The following FAM222B variants were observed in gnomAD, a reference collection of about 807,000 sequenced individuals.
FAM222B encodes family with sequence similarity 222 member B.
In FAM222B, 12 loss-of-function variants were observed where a neutral mutation model predicts 38.0. The observed-to-expected ratio is 0.32, with a 90% CI of 0.20 to 0.51. The LOEUF (loss-of-function observed/expected upper bound fraction) is 0.51. Among genes scored for constraint, FAM222B ranks in the 20% least tolerant of loss-of-function variants. FAM222B has a pLI of 0.97. For missense variants in FAM222B, 716 were observed against 754.2 expected (o/e 0.95, Z 0.59); for synonymous variants, 329 against 317.2 (o/e 1.04, Z -0.40).
rs1355798592 is a variant in FAM222B at position 28,757,320 on chromosome 17, T to C, written c.*950A>G. 1.3e-5 allele frequency: 2 copies of C among 152,542 alleles called. No homozygotes were observed. The highest frequency in any genetic ancestry group is 2.4e-5 in the African/African-American group (1 of 41,420). The allele number at this position is 152,542 out of a possible 1,614,324, so 9.4% of individuals were successfully genotyped here. On this transcript the variant is annotated 3_prime_UTR_variant, in exon 3 of 3. Coordinates refer to ENST00000581407, the MANE Select transcript of FAM222B (RefSeq NM_001077498.3). ...ACTACATTCATACAGAAACGTAACG[T>C]TTAAAACTTACAGTGTAGAGCAATA... is the stretch of plus-strand genomic sequence containing the variant.
At chr17:28,798,490 A>T (rs1471046459) in intron 1 of FAM222B, among the ~76,000 whole-genome samples, 1 of 152,204 alleles carries the variant, frequency 6.6e-6, no homozygotes, top group African/African-American at 2.4e-5. Context: ...TCACTAAGAA[A>T]CTACAGTTTC....
chr17:28,837,640 CTTT>C (rs1467894003), intron 1 of FAM222B, among the ~76,000 whole-genome samples: 1 of 150,398 alleles, frequency 6.6e-6, no homozygotes, highest in East Asian at 2.0e-4. Context: ...TTAAATACTT[CTTT>C]TTGTTTTTTT....
At chr17:28,822,570 G>A (rs2038265084) in intron 1 of FAM222B, among the ~76,000 whole-genome samples, 2 of 150,320 alleles carry the variant, frequency 1.3e-5, no homozygotes, top group African/African-American at 4.9e-5. Flanking sequence ...AGGTTGGAAA[G>A]AGCCGAGATT....
intron 1 of FAM222B, among the ~76,000 whole-genome samples, chr17:28,852,975 C>A (rs943476889): frequency 2.0e-5 from 3 of 152,024 alleles, no homozygotes; most frequent in Non-Finnish European, 2.9e-5. Flanking sequence ...GGGCGGATCA[C>A]CTGAGGTCGG....
At chr17:28,826,172 G>A (rs1384690429) in intron 1 of FAM222B, among the ~76,000 whole-genome samples, 1 of 151,556 alleles carries the variant, frequency 6.6e-6, no homozygotes, top group Non-Finnish European at 1.5e-5. Context: ...CGGTTCAAGC[G>A]ATTCTCCTGC....
At chr17:28,804,669 C>CAG (rs893986562) in intron 1 of FAM222B, among the ~76,000 whole-genome samples, 1 of 151,704 alleles carries the variant, frequency 6.6e-6, no homozygotes, top group African/African-American at 2.4e-5. Context: ...TTAAATAAAA[C>CAG]AAACTGTCCC....
In FAM222B at chr17:28,814,209, G is replaced by A. The variant is rs561621473; in HGVS notation, c.-41+28473C>T. Among the ~76,000 whole-genome samples, 9 of 151,194 alleles carry A rather than the reference G, an allele frequency of 6.0e-5. No homozygotes were observed. In the South Asian group the frequency reaches 1.7e-3, roughly 28 times the overall value. On this transcript the variant is annotated intron_variant, in intron 1 of 2. Transcript: ENST00000581407. ...AAAAAAAAGAAAAGAAAAAGAAAAC[G>A]GGGGTCAGGAAAGGCAAGCTATTAC...
intron 1 of FAM222B, chr17:28,777,216 A>G (rs1464226985): frequency 1.3e-5 from 2 of 152,162 alleles, no homozygotes; most frequent in Non-Finnish European, 2.9e-5. Flanking sequence ...AAATCTAGAA[A>G]TATATCTGCC....
chr17:28,813,150 T>A (rs202210405), intron 1 of FAM222B, among the ~76,000 whole-genome samples: 17 of 95,498 alleles, frequency 1.8e-4, no homozygotes, highest in East Asian at 2.9e-4. Context: ...AACACACACA[T>A]ACAAAAAAAA....
At chr17:28,852,831 A>C (rs1329085807) in intron 1 of FAM222B, among the ~76,000 whole-genome samples, 1 of 152,120 alleles carries the variant, frequency 6.6e-6, no homozygotes, top group African/African-American at 2.4e-5. Context: ...GCCAAGGCAG[A>C]GGATCACTTG....
intron 1 of FAM222B, among the ~76,000 whole-genome samples, chr17:28,790,155 T>C (rs1436148142): frequency 2.0e-5 from 3 of 152,216 alleles, no homozygotes; most frequent in African/African-American, 7.2e-5. Flanking sequence ...AAAGATGATA[T>C]TTCATTGAAT....
At chr17:28,799,402 A>T (rs1441438492) in intron 1 of FAM222B, among the ~76,000 whole-genome samples, 1 of 147,474 alleles carries the variant, frequency 6.8e-6, no homozygotes, top group Non-Finnish European at 1.5e-5. Context: ...GGTTCAAGCG[A>T]TTCTCCTGCC....
chr17:28,817,178 C>T (rs1029131780), intron 1 of FAM222B, among the ~76,000 whole-genome samples: 4 of 151,830 alleles, frequency 2.6e-5, no homozygotes, highest in South Asian at 2.1e-4. Flanking sequence ...TTTGGGAGGC[C>T]GAGCAGATGG....
At chr17:28,849,097 T>G (rs1438683684) in intron 1 of FAM222B, 1 of 151,842 alleles carries the variant, frequency 6.6e-6, no homozygotes. Flanking sequence ...TCGTCTCCAC[T>G]AAAAATACAA....
chr17:28,815,466 G>A (rs1404868065), intron 1 of FAM222B, among the ~76,000 whole-genome samples: 2 of 150,968 alleles, frequency 1.3e-5, no homozygotes, highest in African/African-American at 2.4e-5. Flanking sequence ...CGCCCGACTC[G>A]GCTTCCCAAA....
intron 1 of FAM222B, among the ~76,000 whole-genome samples, chr17:28,809,352 CAA>C (rs146580054): frequency 2.7e-3 from 169 of 63,028 alleles, no homozygotes; most frequent in African/African-American, 9.4e-3. Flanking sequence ...GACTCCGTCT[CAA>C]AAAAAAAAAA....
chr17:28,793,304 T>C (rs971458711), intron 1 of FAM222B, among the ~76,000 whole-genome samples: 2 of 152,158 alleles, frequency 1.3e-5, no homozygotes, highest in Non-Finnish European at 2.9e-5. Context: ...ACCTCAAGTG[T>C]CATGCAAACT....
rs907998759 is a variant in FAM222B, at chr17:28,830,997, T to C, written c.-41+11685A>G. Among the ~76,000 whole-genome samples the C allele has an allele frequency of 4.0e-3, 217 of 54,322 alleles. 1 individual carries two copies. Among genetic ancestry groups the C allele is most frequent in the African/African-American group, 6.7e-3 (210 of 31,264 alleles). The allele number at this position is 54,322 out of a possible 152,430, so 35.6% of individuals were successfully genotyped here. The stretch of plus-strand genomic sequence containing the variant: ...TTAATAGTGTGAATGTTTCTTTTTT[T>C]TTTTTTTTTTTTTTTTGAGACGGAG... On this transcript the variant is annotated intron_variant, in intron 1 of 2. Coordinates refer to ENST00000581407, the MANE Select transcript of FAM222B (RefSeq NM_001077498.3).
chr17:28,778,444 G>T (rs938822677), intron 1 of FAM222B, among the ~76,000 whole-genome samples: 3 of 150,820 alleles, frequency 2.0e-5, no homozygotes, highest in Non-Finnish European at 4.4e-5. Flanking sequence ...TTTTATGGCT[G>T]CAGGCTTCTG....
Sources: gnomAD v4.1 joint callset for allele counts (sites outside exome capture counted in the v4.1 genomes callset) on GRCh38, gnomAD v4.1.1 for gene constraint, MANE v1.5 for transcripts, NCBI Gene and HGNC (gene_info 2026-07-23, HGNC 2026-07-21) for gene names.